Variants in SLC49A3 observed in about 807,000 individuals in gnomAD.
SLC49A3 encodes solute carrier family 49 member 3, also known as solute carrier family 49 member A3.
SLC49A3 carries 50 observed loss-of-function variants against 43.8 expected under a neutral mutation model. The observed-to-expected ratio is 1.14, with a 90% CI of 0.91 to 1.45. SLC49A3 has a LOEUF of 1.45. Ranked by LOEUF, SLC49A3 falls within the 40% of genes most tolerant of loss-of-function variation. The pLI, the probability that SLC49A3 is intolerant of heterozygous loss-of-function variation, is 0.00. For missense variants in SLC49A3, 906 were observed against 774.1 expected (o/e 1.17, Z -2.02); for synonymous variants, 413 against 352.0 (o/e 1.17, Z -1.94).
At chr4:686,045 C>G (rs200798289) in intron 3 of SLC49A3, 44 bp downstream of exon 3, 3 of 1,610,898 alleles carry the variant, frequency 1.9e-6, no homozygotes, top group Admixed American at 1.7e-5. Flanking sequence ...CTGTGTGGAC[C>G]CTGAGGTGAG....
chr4:689,228 G>C, upstream of SLC49A3: 1 of 819,908 alleles, frequency 1.2e-6, no homozygotes, highest in Non-Finnish European at 1.6e-6. Context: ...GGTGGGGCCG[G>C]GCCGGGCCGG....
chr4:681,224 C>A, downstream of SLC49A3: 1 of 1,493,724 alleles, frequency 6.7e-7, no homozygotes, highest in Non-Finnish European at 9.1e-7. Flanking sequence ...ACGCGGAGCC[C>A]GAGGAGCAGC....
At chr4:680,758 C>A, downstream of SLC49A3, 1 of 712,650 alleles carries the variant, frequency 1.4e-6, no homozygotes, top group Non-Finnish European at 2.3e-6. Context: ...GAGGCCAGCC[C>A]TGCTCACACA....
chr4:680,926 C>T, downstream of SLC49A3: 1 of 772,240 alleles, frequency 1.3e-6, no homozygotes, highest in Non-Finnish European at 2.1e-6. Context: ...AGTGATGGCC[C>T]CTGAGTGTGT....
upstream of SLC49A3, among the ~76,000 whole-genome samples, chr4:690,686 A>G (rs1182602811): frequency 2.0e-5 from 3 of 152,124 alleles, no homozygotes; most frequent in African/African-American, 7.2e-5. Flanking sequence ...GTCTCTGTTG[A>G]GCGTGCATTG....
Position 686,586 on chromosome 4 carries a change from G to A in SLC49A3, c.240C>T (p.Thr80=). The A allele has an allele frequency of 6.2e-7, 1 of 1,613,282 alleles. No homozygotes were observed. The highest frequency in any genetic ancestry group is 8.5e-7 in the Non-Finnish European group (1 of 1,179,952). The change falls in exon 2 of 10, where the codon ACC becomes ACT. Residue 80 remains threonine, a synonymous_variant. Transcript: ENST00000322224. ...WLSLVYLVVS[T]PFGVAAIWIL... Reference sequence around the variant, plus strand: ...TCCAGATGGCCGCCACGCCAAATGGGGTGGATACCACGAGGTAGACCAGTG... The same window carrying A: ...TCCAGATGGCCGCCACGCCAAATGGAGTGGATACCACGAGGTAGACCAGTG...
intron 7 of SLC49A3, 81 bp downstream of exon 7, chr4:683,528 A>T: frequency 6.6e-7 from 1 of 1,517,008 alleles, no homozygotes; most frequent in Non-Finnish European, 8.8e-7. Flanking sequence ...CCTCTGTTCC[A>T]GCCAAGCCGC....
chr4:685,291 A>G lies in SLC49A3; in HGVS notation c.586-435T>C, dbSNP rs1227812979. Among the ~76,000 whole-genome samples, 1 of 150,152 alleles carries G rather than the reference A, an allele frequency of 6.7e-6. No homozygotes were observed. Among genetic ancestry groups the G allele is most frequent in the African/African-American group, 2.5e-5 (1 of 39,554 alleles). On this transcript the variant is annotated intron_variant, in intron 4 of 9. Coordinates refer to ENST00000322224, the MANE Select transcript of SLC49A3 (RefSeq NM_032219.4). The surrounding 1 kb of genome is among the most constrained non-coding windows in gnomAD (Gnocchi z 4.3). ...GAGCACACACAGGTACACACCACACATGTGCACAGACACACAGACACATAT... is the reference window on the plus strand; with the variant it reads ...GAGCACACACAGGTACACACCACACGTGTGCACAGACACACAGACACATAT...
downstream of SLC49A3, chr4:681,006 C>T (rs1419763388): frequency 1.6e-5 from 23 of 1,469,918 alleles, no homozygotes; most frequent in East Asian, 2.5e-5. Flanking sequence ...CGAGTACAAC[C>T]TGGGGCCCCT....
At chr4:689,221 GGGGCC>G (rs568230310), upstream of SLC49A3, 13 of 967,660 alleles carry the variant, frequency 1.3e-5, no homozygotes, top group African/African-American at 1.5e-4. Context: ...GGGCGGAGGT[GGGGCC>G]GGGCCGGGCC....
chr4:687,286 G>C (rs1400799566), intron 1 of SLC49A3: 1 of 152,666 alleles, frequency 6.6e-6, no homozygotes, highest in Admixed American at 6.5e-5. Context: ...GCGGGTCACC[G>C]GGGCTCACTC....
Position 682,386 on chromosome 4 carries a change from C to A in SLC49A3, c.1262-10G>T, listed in dbSNP as rs374953249. On this transcript the variant is annotated splice_polypyrimidine_tract_variant and intron_variant, in intron 9 of 9. Coordinates refer to ENST00000322224, the MANE Select transcript of SLC49A3 (RefSeq NM_032219.4). ...ATCAGCAGCAGAGACACTGGGGACACATAGCACAGCTGTCCCCACAGCCAA... is the reference window on the plus strand; with the variant it reads ...ATCAGCAGCAGAGACACTGGGGACAAATAGCACAGCTGTCCCCACAGCCAA... 3.0e-6 allele frequency: 4 copies of A among 1,330,620 alleles called. No homozygotes were observed. In the African/African-American group the frequency reaches 6.0e-5, roughly 20 times the overall value. The allele number at this position is 1,330,620 out of a possible 1,614,324, so 82.4% of individuals were successfully genotyped here.
In SLC49A3 at chr4:685,786, A is replaced by G. The variant is rs1740879991; in HGVS notation, c.585+49T>C. The G allele has an allele frequency of 6.3e-7, 1 of 1,586,038 alleles. No homozygotes were observed. Among genetic ancestry groups the G allele is most frequent in the South Asian group, 1.1e-5 (1 of 90,412 alleles). On this transcript the variant is annotated intron_variant, in intron 4 of 9. Transcript: ENST00000322224. The surrounding 1 kb of genome is among the most constrained non-coding windows in gnomAD (Gnocchi z 4.3). ...TGGGATCAGGAACACACAGACGTGC[A>G]TGCGCACACACCACACAGACCAGGC...
At chr4:680,557 C>T (rs1287158552), downstream of SLC49A3, 16 of 1,613,386 alleles carry the variant, frequency 9.9e-6, no homozygotes, top group Non-Finnish European at 1.4e-5. Context: ...ATGCTGGACC[C>T]GGACGGGAAA....
At chr4:689,724 C>T (rs936985060), upstream of SLC49A3, among the ~76,000 whole-genome samples, 2 of 152,204 alleles carry the variant, frequency 1.3e-5, no homozygotes, top group Non-Finnish European at 2.9e-5. Flanking sequence ...GTAGGCAGTC[C>T]GCCACACACG....
downstream of SLC49A3, chr4:679,949 A>G (rs1739277341): frequency 6.2e-7 from 1 of 1,613,810 alleles, no homozygotes; most frequent in Non-Finnish European, 8.5e-7. Context: ...GCTGGACGCC[A>G]TGCTCAAAGA....
At chr4:678,098 C>G (rs58227539), downstream of SLC49A3, 26 of 1,599,836 alleles carry the variant, frequency 1.6e-5, no homozygotes, top group East Asian at 3.0e-4. Flanking sequence ...TGTGTACATG[C>G]GCACAGACGA....
chr4:685,112 G>A lies in SLC49A3; in HGVS notation c.586-256C>T, dbSNP rs998071332. On this transcript the variant is annotated intron_variant, in intron 4 of 9. Coordinates refer to ENST00000322224, the MANE Select transcript of SLC49A3 (RefSeq NM_032219.4). The surrounding 1 kb of genome is among the most constrained non-coding windows in gnomAD (Gnocchi z 4.3). ...GGCTGATGTTAGCCCAGCACCCCCAGGCTCCAGACTTACATCTCACTGCCA... is the reference window on the plus strand; with the variant it reads ...GGCTGATGTTAGCCCAGCACCCCCAAGCTCCAGACTTACATCTCACTGCCA... The A allele has an allele frequency of 3.7e-6, 2 of 542,612 alleles. No homozygotes were observed. Among genetic ancestry groups the A allele is most frequent in the East Asian group, 3.3e-5 (1 of 30,660 alleles). The allele number at this position is 542,612 out of a possible 1,614,324, so 33.6% of individuals were successfully genotyped here. A position where few individuals can be genotyped will look rare whatever the true frequency, so the allele number is the denominator to read the frequency against.
At chr4:689,236 C>T, upstream of SLC49A3, 1 of 731,608 alleles carries the variant, frequency 1.4e-6, no homozygotes, top group Non-Finnish European at 1.8e-6. Flanking sequence ...CGGGCCGGGC[C>T]GGGCCACGGG....
Sources: gnomAD v4.1 joint callset for allele counts (sites outside exome capture counted in the v4.1 genomes callset) on GRCh38, gnomAD v4.1.1 for gene constraint, Gnocchi (gnomAD v3.1) non-coding constraint, MANE v1.5 for transcripts, NCBI Gene and HGNC (gene_info 2026-07-23, HGNC 2026-07-21) for gene names.